Variants in RAB38 observed in about 807,000 individuals in gnomAD.
The protein encoded by RAB38 is RAB38, member RAS oncogene family.
A neutral mutation model predicts 18.4 loss-of-function variants in RAB38; 15 were observed. The observed-to-expected ratio is 0.82, with a 90% CI of 0.55 to 1.26. The LOEUF is 1.26. RAB38 is among the 50% of genes most tolerant of loss of function. RAB38 has a pLI of 0.00. For synonymous variants in RAB38, 101 were observed against 104.4 expected (o/e 0.97, Z 0.20); for missense variants, 294 against 267.4 (o/e 1.10, Z -0.69).
chr11:87,886,216 C>A, the RAB38 span, among the ~76,000 whole-genome samples: 1 of 151,936 alleles, frequency 6.6e-6, no homozygotes, highest in African/African-American at 2.4e-5. Context: ...CAAACTTTTT[C>A]TCATTCCTTT....
chr11:88,042,555 G>A, the RAB38 span, among the ~76,000 whole-genome samples: 1 of 152,216 alleles, frequency 6.6e-6, no homozygotes, highest in East Asian at 1.9e-4. Flanking sequence ...CAGGCACAGT[G>A]CCTGGGGAAG....
chr11:88,060,997 G>C, the RAB38 span, among the ~76,000 whole-genome samples: 1 of 152,212 alleles, frequency 6.6e-6, no homozygotes, highest in Non-Finnish European at 1.5e-5. Flanking sequence ...GATTGCCTGT[G>C]AGGACAACAA....
the RAB38 span, chr11:88,061,582 G>A: frequency 3.3e-5 from 5 of 151,992 alleles, no homozygotes; most frequent in Admixed American, 1.3e-4. Context: ...TTATAATAGA[G>A]GAAATAAGAA....
At chr11:87,907,455 C>CA in the RAB38 span, among the ~76,000 whole-genome samples, 12 of 149,786 alleles carry the variant, frequency 8.0e-5, no homozygotes, top group Non-Finnish European at 1.3e-4. Context: ...ACCCATATTA[C>CA]AAAAAAAATA....
At chr11:88,146,211 G>C (rs1942983673) in intron 2 of RAB38, among the ~76,000 whole-genome samples, 1 of 152,118 alleles carries the variant, frequency 6.6e-6, no homozygotes, top group Non-Finnish European at 1.5e-5. Flanking sequence ...CTCAGCAGTG[G>C]GGTCAGTGGT....
At chr11:88,095,993 C>T in the RAB38 span, among the ~76,000 whole-genome samples, 2 of 151,868 alleles carry the variant, frequency 1.3e-5, no homozygotes, top group African/African-American at 4.8e-5. Flanking sequence ...TTGCAATAGT[C>T]TCCTATCTGG....
the RAB38 span, among the ~76,000 whole-genome samples, chr11:88,104,548 C>A: frequency 7.4e-4 from 113 of 152,186 alleles, 2 homozygotes; most frequent in African/African-American, 2.6e-3. Flanking sequence ...TGCTAAAGAT[C>A]TCTGAGCTTT....
the RAB38 span, among the ~76,000 whole-genome samples, chr11:88,005,661 T>A: frequency 6.6e-6 from 1 of 151,416 alleles, no homozygotes; most frequent in African/African-American, 2.4e-5. Context: ...GTTTTATTTT[T>A]AAAATCCTTG....
At chr11:88,076,980 G>GA in the RAB38 span, among the ~76,000 whole-genome samples, 9,035 of 59,880 alleles carry the variant, frequency 0.15, 683 homozygotes, top group East Asian at 0.29. Flanking sequence ...AAAAAAGAAA[G>GA]AAAGAAAGAA....
At chr11:87,896,348 G>A in the RAB38 span, among the ~76,000 whole-genome samples, 3 of 151,622 alleles carry the variant, frequency 2.0e-5, no homozygotes, top group African/African-American at 7.3e-5. Flanking sequence ...ACCAAAAGTG[G>A]TACATTATAG....
At chr11:87,901,342 A>T in the RAB38 span, among the ~76,000 whole-genome samples, 2 of 151,624 alleles carry the variant, frequency 1.3e-5, no homozygotes, top group Non-Finnish European at 3.0e-5. Context: ...ACTACATGCC[A>T]AACCTATTTT....
Position 88,129,367 on chromosome 11 carries a change from G to A in RAB38, c.484-15227C>T, listed in dbSNP as rs34838451. Reference sequence around the variant, plus strand: ...CTTACAGTTTAAGAAATGGCTGGGCGTGGCGGCTCACACCTATAATCCCAA... The same window carrying A: ...CTTACAGTTTAAGAAATGGCTGGGCATGGCGGCTCACACCTATAATCCCAA... On this transcript the variant is annotated intron_variant, in intron 2 of 2. Coordinates refer to ENST00000243662, the MANE Select transcript of RAB38 (RefSeq NM_022337.3). Among the ~76,000 whole-genome samples the A allele has an allele frequency of 9.5e-3, 1,445 of 152,250 alleles. 17 individuals carry two copies. Among genetic ancestry groups the A allele is most frequent in the African/African-American group, 0.033 (1,361 of 41,536 alleles).
At chr11:88,079,495 C>T in the RAB38 span, among the ~76,000 whole-genome samples, 1 of 151,684 alleles carries the variant, frequency 6.6e-6, no homozygotes, top group Non-Finnish European at 1.5e-5. Flanking sequence ...AATTTTAGTA[C>T]CAATTGTACA....
the RAB38 span, among the ~76,000 whole-genome samples, chr11:87,963,503 AAC>A: frequency 6.6e-5 from 10 of 152,332 alleles, no homozygotes; most frequent in Middle Eastern, 3.4e-3. Context: ...AGTGGGACAG[AAC>A]ACTCAAAAGT....
In RAB38 at chr11:88,175,168, T is replaced by TC. The variant is rs35483893; in HGVS notation, c.202+14dup. On this transcript the variant is annotated intron_variant, in intron 1 of 2. Coordinates refer to ENST00000243662, the MANE Select transcript of RAB38 (RefSeq NM_022337.3). ...GAGGCGCTCTATCCCCCTGACCCCC[T>TC]CCCCCCGCGCTCACCTGCGATATCC... 2.5e-6 allele frequency: 4 copies of TC among 1,576,766 alleles called. No individual in the cohort carries two copies. The highest frequency in any genetic ancestry group is 1.8e-4 in the Middle Eastern group (1 of 5,516).
the RAB38 span, among the ~76,000 whole-genome samples, chr11:87,835,004 G>A: frequency 6.6e-6 from 1 of 152,212 alleles, no homozygotes; most frequent in Non-Finnish European, 1.5e-5. Flanking sequence ...CCATTATGCA[G>A]TTTGTTCTCT....
At chr11:87,968,055 T>A in the RAB38 span, among the ~76,000 whole-genome samples, 569 of 152,336 alleles carry the variant, frequency 3.7e-3, 3 homozygotes, top group Admixed American at 6.1e-3. Flanking sequence ...ATAAAGTTGA[T>A]ATATGACCTC....
At chr11:88,139,702 T>C (rs910656650) in intron 2 of RAB38, among the ~76,000 whole-genome samples, 1 of 152,194 alleles carries the variant, frequency 6.6e-6, no homozygotes, top group Non-Finnish European at 1.5e-5. Context: ...CAAAAACATA[T>C]ATTCTAAGCC....
intron 2 of RAB38, among the ~76,000 whole-genome samples, chr11:88,136,057 A>G (rs1942830959): frequency 6.6e-6 from 1 of 152,222 alleles, no homozygotes; most frequent in Non-Finnish European, 1.5e-5. Flanking sequence ...AAATGGATTT[A>G]CAAATCTTGA....
Sources: gnomAD v4.1 joint callset for allele counts (sites outside exome capture counted in the v4.1 genomes callset) on GRCh38, gnomAD v4.1.1 for gene constraint, MANE v1.5 for transcripts, NCBI Gene and HGNC (gene_info 2026-07-23, HGNC 2026-07-21) for gene names.